CCDC191: variants seen among roughly 807,000 people sequenced by gnomAD.
CCDC191 encodes coiled-coil domain-containing protein 191.
CCDC191 carries 99 observed loss-of-function variants against 114.0 expected under a neutral mutation model. The observed-to-expected ratio is 0.87, with a 90% CI of 0.74 to 1.03. The LOEUF is 1.03. Ranked by LOEUF, CCDC191 falls within the 50% of genes least tolerant of loss-of-function variation. The pLI is 0.00. For missense variants in CCDC191, 973 were observed against 1,087.0 expected, an observed-to-expected ratio of 0.90 and a Z score of 1.47; for synonymous variants, 351 against 376.0, an observed-to-expected ratio of 0.93 and a Z score of 0.77.
intron 7 of CCDC191, among the ~76,000 whole-genome samples, 158 bp from the exon 8 acceptor site, chr3:114,019,026 T>A (rs930374567): frequency 1.3e-5 from 2 of 152,194 alleles, no homozygotes; most frequent in African/African-American, 2.4e-5. Flanking sequence ...CACAATTCCT[T>A]TATGCTAATA....
intron 2 of CCDC191, among the ~76,000 whole-genome samples, chr3:114,050,426 C>T (rs2076684738): frequency 6.6e-6 from 1 of 152,194 alleles, no homozygotes; most frequent in Non-Finnish European, 1.5e-5. Flanking sequence ...AAAGCAAATG[C>T]TTGAGGCTGT....
intron 13 of CCDC191, among the ~76,000 whole-genome samples, chr3:113,993,099 C>G (rs949911148): frequency 1.3e-5 from 2 of 152,098 alleles, no homozygotes; most frequent in African/African-American, 4.8e-5. Flanking sequence ...TGACAAAACT[C>G]AACACCCTTG....
chr3:114,029,534 G>A (rs774355030), intron 7 of CCDC191, among the ~76,000 whole-genome samples: 12 of 152,160 alleles, frequency 7.9e-5, no homozygotes, highest in Non-Finnish European at 1.3e-4. Flanking sequence ...GCAGGCAAGA[G>A]CCACCAATGG....
chr3:114,016,613 A>G (rs1244471405), intron 8 of CCDC191, among the ~76,000 whole-genome samples: 1 of 152,232 alleles, frequency 6.6e-6, no homozygotes, highest in East Asian at 1.9e-4. Flanking sequence ...TAAACATTTA[A>G]AAATAGTCAC....
Position 114,017,848 on chromosome 3 carries a change from C to CT in CCDC191, c.1163+829dup, listed in dbSNP as rs549334134. On this transcript the variant is annotated intron_variant, in intron 8 of 16. Transcript: ENST00000295878. ...TGCACGTTCTGCACATCATTTATCA[C>CT]TTTTTTTTAGAATAAATAAAGAAAA... Among the ~76,000 whole-genome samples the CT allele has an allele frequency of 2.2e-4, 34 of 152,036 alleles. No individual in the cohort carries two copies. The South Asian group carries it at 2.7e-3, about 12-fold the overall frequency.
chr3:113,989,395 A>C (rs969478977), intron 13 of CCDC191, among the ~76,000 whole-genome samples: 1 of 152,230 alleles, frequency 6.6e-6, no homozygotes, highest in East Asian at 1.9e-4. Context: ...ATTCACTGAG[A>C]TAGACAATAT....
At chr3:113,983,646 C>G (rs1009180583) in intron 13 of CCDC191, among the ~76,000 whole-genome samples, 1 of 152,228 alleles carries the variant, frequency 6.6e-6, no homozygotes, top group Non-Finnish European at 1.5e-5. Flanking sequence ...TAGAAGCTTT[C>G]AGACGGCAGG....
chr3:113,980,575 C>T (rs2075112406), intron 14 of CCDC191, 75 bp downstream of exon 14: 23 of 1,375,450 alleles, frequency 1.7e-5, no homozygotes, highest in Non-Finnish European at 2.0e-5. Context: ...TACCCTCCCC[C>T]AAGCTTAACT....
chr3:113,971,894 C>T (rs1375451209), intron 16 of CCDC191, among the ~76,000 whole-genome samples: 1 of 152,020 alleles, frequency 6.6e-6, no homozygotes, highest in African/African-American at 2.4e-5. Context: ...GTTTCTTCAT[C>T]ATTCAATCTT....
intron 13 of CCDC191, among the ~76,000 whole-genome samples, chr3:113,995,815 A>G (rs1017650757): frequency 2.6e-5 from 4 of 152,160 alleles, no homozygotes; most frequent in African/African-American, 7.2e-5. Flanking sequence ...ACTAATCGCT[A>G]TTCTGACTAG....
intron 13 of CCDC191, among the ~76,000 whole-genome samples, chr3:113,997,343 T>C (rs912963597): frequency 5.9e-5 from 9 of 152,126 alleles, no homozygotes; most frequent in African/African-American, 2.2e-4. Flanking sequence ...CACAGATGGA[T>C]AGATTCAGAA....
At chr3:113,999,555 T>A (rs909687829) in intron 13 of CCDC191, among the ~76,000 whole-genome samples, 3 of 152,164 alleles carry the variant, frequency 2.0e-5, no homozygotes, top group Admixed American at 2.0e-4. Context: ...GGCAGGACTA[T>A]GAATGTTGCT....
intron 16 of CCDC191, among the ~76,000 whole-genome samples, chr3:113,975,672 C>G (rs548969852): frequency 5.9e-5 from 9 of 152,052 alleles, no homozygotes; most frequent in African/African-American, 2.2e-4. Flanking sequence ...GACAGTGATG[C>G]AAGTAGGGTG....
intron 9 of CCDC191, among the ~76,000 whole-genome samples, chr3:114,010,562 C>T (rs1446634913): frequency 6.6e-6 from 1 of 151,994 alleles, no homozygotes; most frequent in African/African-American, 2.4e-5. Flanking sequence ...ATATTAAATC[C>T]CTACTAACTT....
chr3:114,052,514 A>C (rs2076710581), intron 2 of CCDC191, among the ~76,000 whole-genome samples: 1 of 152,130 alleles, frequency 6.6e-6, no homozygotes, highest in Admixed American at 6.5e-5. Context: ...GTCGTCATCT[A>C]AGTTAGGCTT....
At chr3:114,030,082 C>G (rs2076382923) in intron 7 of CCDC191, among the ~76,000 whole-genome samples, 2 of 152,136 alleles carry the variant, frequency 1.3e-5, no homozygotes, top group East Asian at 1.9e-4. Flanking sequence ...GATAATTATA[C>G]TATGCTTATG....
chr3:114,017,446 G>A (rs933745691), intron 8 of CCDC191, among the ~76,000 whole-genome samples: 2 of 152,162 alleles, frequency 1.3e-5, no homozygotes, highest in African/African-American at 4.8e-5. Context: ...GTCTCTAGAT[G>A]TTGTTTTGCC....
chr3:114,039,200 C>A (rs58057452), intron 4 of CCDC191, among the ~76,000 whole-genome samples: 5,498 of 151,932 alleles, frequency 0.036, 353 homozygotes, highest in African/African-American at 0.13. Context: ...AGAGTCTATT[C>A]CTACTTATTA....
chr3:114,021,458 T>TA (rs199508716), intron 7 of CCDC191, among the ~76,000 whole-genome samples: 83 of 148,346 alleles, frequency 5.6e-4, no homozygotes, highest in Non-Finnish European at 6.3e-4. Flanking sequence ...AAATTTAAAT[T>TA]AAAAAAAAAA....
Sources: gnomAD v4.1 joint callset for allele counts (sites outside exome capture counted in the v4.1 genomes callset) on GRCh38, gnomAD v4.1.1 for gene constraint, MANE v1.5 for transcripts, NCBI Gene and HGNC (gene_info 2026-07-23, HGNC 2026-07-21) for gene names.